Variants in GALNT17 observed in about 807,000 individuals in gnomAD.
The protein encoded by GALNT17 is polypeptide N-acetylgalactosaminyltransferase 17, also known as UDP-GalNAc:polypeptide N-acetylgalactosaminyltransferase-like 3.
Under a neutral mutation model 63.7 loss-of-function variants are expected in GALNT17, and 29 were observed. That is an observed-to-expected ratio of 0.46 (90% CI 0.34 to 0.62). GALNT17 has a LOEUF of 0.62. GALNT17 is among the 20% of genes least tolerant of loss of function. The probability of loss-of-function intolerance (pLI) is 0.01; values close to 1 mark genes in which losing one functional copy is unlikely to be tolerated. For missense variants in GALNT17, 603 were observed against 799.6 expected, an observed-to-expected ratio of 0.75 and a Z score of 2.97; for synonymous variants, 305 against 318.3, an observed-to-expected ratio of 0.96 and a Z score of 0.45.
intron 1 of GALNT17, among the ~76,000 whole-genome samples, chr7:71,168,738 A>T (rs1322323624): frequency 8.3e-6 from 1 of 120,054 alleles, no homozygotes; most frequent in Non-Finnish European, 1.6e-5. Context: ...TGTGTGTGGT[A>T]AGAGCACCTA....
chr7:71,345,227 T>C (rs1220413437), intron 2 of GALNT17, among the ~76,000 whole-genome samples: 1 of 151,832 alleles, frequency 6.6e-6, no homozygotes, highest in Non-Finnish European at 1.5e-5. Flanking sequence ...CTTTTCCGAT[T>C]ATCTCGTACT....
chr7:71,354,862 A>G (rs1214748458), intron 2 of GALNT17, among the ~76,000 whole-genome samples: 1 of 152,048 alleles, frequency 6.6e-6, no homozygotes, highest in Non-Finnish European at 1.5e-5. Context: ...GGTTTTTGCA[A>G]TTTTTTTCCT....
intron 1 of GALNT17, chr7:71,300,556 G>A (rs762880885): frequency 4.8e-5 from 18 of 372,384 alleles, no homozygotes; most frequent in Middle Eastern, 7.7e-4. Context: ...TCCTAGCTTG[G>A]AAAGCAAGTC....
intron 2 of GALNT17, among the ~76,000 whole-genome samples, chr7:71,372,323 C>T (rs899567418): frequency 1.3e-5 from 2 of 152,100 alleles, no homozygotes; most frequent in Admixed American, 6.5e-5. Flanking sequence ...CACCACCAAG[C>T]CTGGCTAATT....
chr7:71,692,737 AT>A (rs35774725), intron 9 of GALNT17, among the ~76,000 whole-genome samples: 30,960 of 147,130 alleles, frequency 0.21, 3,546 homozygotes, highest in Non-Finnish European at 0.28. Context: ...TTTTTATTCT[AT>A]TTTTTTTTTT....
At chr7:71,614,846 GAGAA>G (rs2116958940) in intron 6 of GALNT17, among the ~76,000 whole-genome samples, 2 of 128,624 alleles carry the variant, frequency 1.6e-5, no homozygotes, top group Non-Finnish European at 3.2e-5. Context: ...AAAGAGGAGA[GAGAA>G]AGAAACAGAA....
chr7:71,566,733 T>C (rs1789354563), intron 5 of GALNT17, among the ~76,000 whole-genome samples: 3 of 151,712 alleles, frequency 2.0e-5, no homozygotes, highest in Admixed American at 2.0e-4. Flanking sequence ...TCATCACCGT[T>C]TGGTTGCAAA....
At chr7:71,660,122 A>T (rs929553930) in intron 6 of GALNT17, among the ~76,000 whole-genome samples, 1 of 152,196 alleles carries the variant, frequency 6.6e-6, no homozygotes, top group African/African-American at 2.4e-5. Flanking sequence ...TGCCCAGCCC[A>T]GTAGGCCCTG....
At chr7:71,297,561 A>G (rs544558984) in intron 1 of GALNT17, among the ~76,000 whole-genome samples, 1 of 123,326 alleles carries the variant, frequency 8.1e-6, no homozygotes, top group Non-Finnish European at 1.9e-5. Flanking sequence ...CCCAGGAGGC[A>G]GAGGTTGCAG....
At chr7:71,260,879 T>C (rs932685820) in intron 1 of GALNT17, among the ~76,000 whole-genome samples, 3 of 152,206 alleles carry the variant, frequency 2.0e-5, no homozygotes, top group African/African-American at 7.2e-5. Context: ...GCTGGTGTTA[T>C]AGGCATGAGC....
chr7:71,505,102 A>G (rs1235275248), intron 5 of GALNT17, among the ~76,000 whole-genome samples: 2 of 152,144 alleles, frequency 1.3e-5, no homozygotes, highest in Admixed American at 1.3e-4. Flanking sequence ...TACTTGACCC[A>G]CAGAACCCAG....
intron 6 of GALNT17, among the ~76,000 whole-genome samples, chr7:71,594,029 T>TC (rs1184778125): frequency 2.0e-5 from 3 of 151,704 alleles, no homozygotes; most frequent in Non-Finnish European, 4.4e-5. Context: ...ATCATTTTTT[T>TC]TTAATGTTTT....
intron 1 of GALNT17, among the ~76,000 whole-genome samples, chr7:71,221,908 ATTTT>A (rs370780821): frequency 0.014 from 1,574 of 114,674 alleles, 29 homozygotes; most frequent in African/African-American, 0.046. Context: ...CCTTATTTAG[ATTTT>A]TTTTTTTTTT....
chr7:71,630,904 G>A (rs534634136), intron 6 of GALNT17, among the ~76,000 whole-genome samples: 10 of 152,226 alleles, frequency 6.6e-5, no homozygotes, highest in Non-Finnish European at 1.3e-4. Context: ...CCCAAGAATA[G>A]TATGTGTTGA....
At chr7:71,587,549 T>G (rs1338242647) in intron 6 of GALNT17, among the ~76,000 whole-genome samples, 1 of 152,154 alleles carries the variant, frequency 6.6e-6, no homozygotes, top group African/African-American at 2.4e-5. Flanking sequence ...GTGAATATTT[T>G]TCTACTGTCT....
intron 1 of GALNT17, among the ~76,000 whole-genome samples, chr7:71,240,501 C>T (rs1028929670): frequency 6.6e-6 from 1 of 152,046 alleles, no homozygotes; most frequent in African/African-American, 2.4e-5. Flanking sequence ...TTGTTTAGAT[C>T]CCACTTATAA....
chr7:71,388,523 TA>T (rs1792992227), intron 3 of GALNT17, 122 bp downstream of exon 3: 1 of 1,243,346 alleles, frequency 8.0e-7, no homozygotes, highest in African/African-American at 1.5e-5. Flanking sequence ...GGGGAAGGGA[TA>T]TTTTTTCTTT....
At chr7:71,390,726 C>G (rs1793034678) in intron 3 of GALNT17, among the ~76,000 whole-genome samples, 1 of 152,150 alleles carries the variant, frequency 6.6e-6, no homozygotes. Context: ...CCTGTGGCCC[C>G]CTTCATCAGC....
chr7:71,617,312 G>GA (rs1423286884), intron 6 of GALNT17, among the ~76,000 whole-genome samples: 1 of 149,468 alleles, frequency 6.7e-6, no homozygotes, highest in Non-Finnish European at 1.5e-5. Context: ...TGCAGGGGCG[G>GA]GGGGGGTTGG....
Sources: gnomAD v4.1 joint callset for allele counts (sites outside exome capture counted in the v4.1 genomes callset) on GRCh38, gnomAD v4.1.1 for gene constraint, MANE v1.5 for transcripts, NCBI Gene and HGNC (gene_info 2026-07-23, HGNC 2026-07-21) for gene names.